The following SCUBE1 variants were observed in gnomAD, a reference collection of about 807,000 sequenced individuals.
The protein encoded by SCUBE1 is signal peptide, CUB domain and EGF like domain containing 1, also known as signal peptide, CUB and EGF-like domain-containing protein 1.
In SCUBE1, 59 loss-of-function variants were observed where a neutral mutation model predicts 124.4. The observed-to-expected ratio is 0.47, with a 90% CI of 0.38 to 0.59. The LOEUF (loss-of-function observed/expected upper bound fraction) is 0.59, where lower values mean the gene tolerates loss of function less well. SCUBE1 is among the 20% of genes least tolerant of loss of function. The pLI is 0.00. For missense variants in SCUBE1, 1,150 were observed against 1,371.2 expected (o/e 0.84, Z 2.55); for synonymous variants, 545 against 550.9 (o/e 0.99, Z 0.15).
rs192773031 is a variant in SCUBE1, at chr22:43,235,645, G to A, written c.844+3193C>T. ...GACCCTGAGGGAAATGCAGGCTCCC[G>A]CTGAGGAAGGGAAGATACACGTCTG... is the stretch of plus-strand genomic sequence containing the variant. On this transcript the variant is annotated intron_variant, in intron 7 of 21. Transcript: ENST00000360835. 1.2e-4 allele frequency among the ~76,000 whole-genome samples: 19 copies of A among 152,242 alleles called. No individual in the cohort carries two copies. In the East Asian group the frequency reaches 2.9e-3, roughly 23 times the overall value.
At position 43,280,819 on chromosome 22, in the gene SCUBE1, T is replaced by C. The variant is rs374839921; in HGVS notation, c.484+10227A>G. ...GCTACCCTGTCACCTCCCTCAGCCA[T>C]CCTCCTGTCACCTCCCTCTTTGGCC... On this transcript the variant is annotated intron_variant, in intron 4 of 21. Coordinates refer to ENST00000360835, the MANE Select transcript of SCUBE1 (RefSeq NM_173050.5). Among the ~76,000 whole-genome samples the C allele has an allele frequency of 4.7e-3, 459 of 97,838 alleles. 10 individuals are homozygous for C. The highest frequency in any genetic ancestry group is 0.021 in the African/African-American group (404 of 19,704). 64.2% of individuals were successfully genotyped at this position (97,838 alleles called of 152,430 possible).
At chr22:43,247,962 A>C (rs1304387232) in intron 6 of SCUBE1, among the ~76,000 whole-genome samples, 1 of 152,214 alleles carries the variant, frequency 6.6e-6, no homozygotes, top group Non-Finnish European at 1.5e-5. Context: ...CTGAGGTTGC[A>C]TCTCGAAGGG....
chr22:43,289,370 C>CT (rs2146749761), intron 4 of SCUBE1, among the ~76,000 whole-genome samples: 1 of 152,362 alleles, frequency 6.6e-6, no homozygotes, highest in East Asian at 1.9e-4. Flanking sequence ...AAACAAACTC[C>CT]TGATGCCCGG....
Position 43,205,657 on chromosome 22 carries a change from A to ACCC in SCUBE1, c.2815-1509_2815-1508insGGG, listed in dbSNP as rs552722855. On this transcript the variant is annotated intron_variant, in intron 21 of 21. Transcript: ENST00000360835. ...CCACTCACCACACACTCACCCCCAC[A>ACCC]CACACCACACACCCACTCACCACTC... 8.7e-3 allele frequency among the ~76,000 whole-genome samples: 1,033 copies of ACCC among 119,266 alleles called. 31 individuals carry two copies. Among genetic ancestry groups the ACCC allele is most frequent in the African/African-American group, 0.034 (974 of 28,946 alleles). The allele number at this position is 119,266 out of a possible 152,430, so 78.2% of individuals were successfully genotyped here.
chr22:43,260,796 C>T (rs2146709881), intron 5 of SCUBE1, among the ~76,000 whole-genome samples: 1 of 152,310 alleles, frequency 6.6e-6, no homozygotes. Flanking sequence ...TTGAGCCCTT[C>T]CCTGGCGGGG....
chr22:43,252,232 C>T (rs1466986088), intron 6 of SCUBE1, among the ~76,000 whole-genome samples: 3 of 152,252 alleles, frequency 2.0e-5, no homozygotes, highest in Non-Finnish European at 2.9e-5. Flanking sequence ...TCTCTCTCTC[C>T]GGCCACATTC....
chr22:43,290,440 T>C (rs6003143), intron 4 of SCUBE1, among the ~76,000 whole-genome samples: 3,028 of 152,354 alleles, frequency 0.02, 111 homozygotes, highest in African/African-American at 0.071. Flanking sequence ...CCAAGTTCCT[T>C]TGCCTGCTGG....
At chr22:43,235,744 C>T (rs1045313550) in intron 7 of SCUBE1, among the ~76,000 whole-genome samples, 1 of 152,190 alleles carries the variant, frequency 6.6e-6, no homozygotes, top group Non-Finnish European at 1.5e-5. Context: ...TTCCCATCCT[C>T]CCAACTCCTC....
intron 6 of SCUBE1, among the ~76,000 whole-genome samples, chr22:43,254,565 G>A (rs1036277756): frequency 6.6e-6 from 1 of 152,206 alleles, no homozygotes; most frequent in African/African-American, 2.4e-5. Flanking sequence ...CCTGCAGGGT[G>A]GTGTGGGACT....
chr22:43,321,599 T>C (rs976647411), intron 2 of SCUBE1, among the ~76,000 whole-genome samples: 15 of 152,018 alleles, frequency 9.9e-5, no homozygotes, highest in African/African-American at 3.6e-4. Flanking sequence ...GTGCAGCCAC[T>C]CTTGGTGTCC....
At position 43,201,642 on chromosome 22, in the gene SCUBE1, G is replaced by C. The variant is rs1453842213; in HGVS notation, c.*2355C>G. On this transcript the variant is annotated 3_prime_UTR_variant, in exon 22 of 22. Transcript: ENST00000360835. ...GCTGGGACTCACAGGGTGGCCCCTG[G>C]CTTCTCGGGCTTTGGACTCAGACTG... 1 of 152,302 alleles carries C rather than the reference G, an allele frequency of 6.6e-6. No individual in the cohort carries two copies. The highest frequency in any genetic ancestry group is 1.9e-4 in the East Asian group (1 of 5,170). The allele number at this position is 152,302 out of a possible 1,614,324, so 9.4% of individuals were successfully genotyped here.
intron 2 of SCUBE1, among the ~76,000 whole-genome samples, chr22:43,330,476 A>G (rs1054963504): frequency 6.6e-6 from 1 of 152,144 alleles, no homozygotes; most frequent in African/African-American, 2.4e-5. Flanking sequence ...CACTTTCCAC[A>G]TCCTGTTATG....
rs1052326469 is a variant in SCUBE1 at position 43,211,272 on chromosome 22, G to A, written c.2222-189C>T. On this transcript the variant is annotated intron_variant, in intron 17 of 21. Coordinates refer to ENST00000360835, the MANE Select transcript of SCUBE1 (RefSeq NM_173050.5). This position sits in a 1 kb window ranked among gnomAD's most constrained non-coding sequence, Gnocchi z 4.5. ...CATGGCCAGGAAGAGCCCTTGGCGT[G>A]GGGGTCACATGGCAGATTGATGTGA... Among the ~76,000 whole-genome samples, 13 of 152,330 alleles carry A rather than the reference G, an allele frequency of 8.5e-5. No individual in the cohort carries two copies. The highest frequency in any genetic ancestry group is 1.6e-4 in the Non-Finnish European group (11 of 68,038).
chr22:43,278,015 G>A (rs1924602451), intron 4 of SCUBE1, among the ~76,000 whole-genome samples: 1 of 152,276 alleles, frequency 6.6e-6, no homozygotes, highest in Non-Finnish European at 1.5e-5. Context: ...TGTGAAGTCA[G>A]TACTGGGGGT....
intron 2 of SCUBE1, among the ~76,000 whole-genome samples, chr22:43,338,262 G>T (rs1260089280): frequency 6.6e-6 from 1 of 152,190 alleles, no homozygotes; most frequent in Non-Finnish European, 1.5e-5. Context: ...TAGCCTGCTG[G>T]GGAGGCAGTT....
intron 9 of SCUBE1, 79 bp downstream of exon 9, chr22:43,228,993 T>C: frequency 1.0e-6 from 1 of 1,003,844 alleles, no homozygotes; most frequent in Non-Finnish European, 1.5e-6. Flanking sequence ...AGGGTTGGGA[T>C]GCGGGGTGCA....
chr22:43,310,060 A>G (rs1397832842), intron 3 of SCUBE1, among the ~76,000 whole-genome samples: 1 of 152,148 alleles, frequency 6.6e-6, no homozygotes, highest in East Asian at 1.9e-4. Flanking sequence ...ACGGCTTCCC[A>G]GGTAACAGAA....
intron 6 of SCUBE1, among the ~76,000 whole-genome samples, chr22:43,240,615 T>C (rs1025182540): frequency 6.6e-6 from 1 of 152,202 alleles, no homozygotes; most frequent in Non-Finnish European, 1.5e-5. Flanking sequence ...CCCTTGGGGC[T>C]GCACCTCCGC....
chr22:43,217,782 G>A (rs1196402139), intron 15 of SCUBE1, among the ~76,000 whole-genome samples: 4 of 151,994 alleles, frequency 2.6e-5, no homozygotes, highest in East Asian at 1.9e-4. Context: ...GCTGGGGGCC[G>A]GCCTCACCTG....
Sources: allele counts gnomAD v4.1 joint callset (sites outside exome capture counted in the v4.1 genomes callset), GRCh38; gene constraint gnomAD v4.1.1; non-coding constraint Gnocchi (gnomAD v3.1); transcripts MANE v1.5; gene names NCBI Gene and HGNC (gene_info 2026-07-23, HGNC 2026-07-21).